MGA: variants seen among roughly 807,000 people sequenced by gnomAD.
The protein encoded by MGA is MAX gene-associated protein.
A neutral mutation model predicts 261.1 loss-of-function variants in MGA; 40 were observed. The ratio of observed to expected loss-of-function variants is 0.15; its 90% CI spans 0.12 to 0.20. The LOEUF (loss-of-function observed/expected upper bound fraction) is 0.20, where lower values mean the gene tolerates loss of function less well. Ranked by LOEUF, MGA falls within the 10% of genes least tolerant of loss-of-function variation. The pLI is 1.00. For synonymous variants in MGA, 1,302 were observed against 1,290.6 expected (o/e 1.01, Z -0.19); for missense variants, 3,397 against 3,630.5 (o/e 0.94, Z 1.65).
At chr15:41,688,941 C>T (rs767613691) in intron 2 of MGA, among the ~76,000 whole-genome samples, 1 of 151,982 alleles carries the variant, frequency 6.6e-6, no homozygotes, top group African/African-American at 2.4e-5. Flanking sequence ...ATGGGGGGAG[C>T]GGGGGATGTC....
intron 1 of MGA, among the ~76,000 whole-genome samples, chr15:41,654,755 C>T (rs2057130502): frequency 1.3e-5 from 2 of 152,138 alleles, no homozygotes; most frequent in African/African-American, 4.8e-5. Context: ...CTCAAGCATT[C>T]CTTCCACCTC....
At chr15:41,677,022 C>T (rs983675051) in intron 2 of MGA, among the ~76,000 whole-genome samples, 1 of 152,226 alleles carries the variant, frequency 6.6e-6, no homozygotes, top group Non-Finnish European at 1.5e-5. Flanking sequence ...TAAAATTCTT[C>T]AGTGGCTTTC....
intron 10 of MGA, 23 bp from the exon 11 acceptor site, chr15:41,729,141 A>AT (rs765044711): frequency 9.2e-5 from 148 of 1,608,082 alleles, no homozygotes; most frequent in Admixed American, 2.4e-4. Flanking sequence ...TGTATGGAAT[A>AT]TTTTGTTGTA....
chr15:41,734,713 CTT>C, intron 12 of MGA, 119 bp downstream of exon 12: 1 of 761,042 alleles, frequency 1.3e-6, no homozygotes, highest in Non-Finnish European at 2.0e-6. Flanking sequence ...CTGTTTCAAA[CTT>C]ATGCCAAAAA....
chr15:41,718,130 ATATT>A (rs994502166), intron 9 of MGA, among the ~76,000 whole-genome samples: 3 of 151,628 alleles, frequency 2.0e-5, no homozygotes, highest in Admixed American at 6.6e-5. Context: ...TTAGATATGA[ATATT>A]TATGTAATTT....
At chr15:41,715,128 G>C (rs1189349036) in intron 9 of MGA, among the ~76,000 whole-genome samples, 22 of 136,884 alleles carry the variant, frequency 1.6e-4, no homozygotes, top group Admixed American at 1.5e-4. Flanking sequence ...TTCTTTTTAT[G>C]GTTTCTGTCT....
At chr15:41,625,075 C>T (rs536415507) in intron 1 of MGA, among the ~76,000 whole-genome samples, 19 of 152,046 alleles carry the variant, frequency 1.2e-4, no homozygotes, top group Admixed American at 3.9e-4. Flanking sequence ...CTCAGGAGTT[C>T]GAGGCTGCAA....
intron 21 of MGA, 132 bp downstream of exon 21, chr15:41,761,982 G>T (rs572872604): frequency 2.0e-6 from 2 of 991,278 alleles, no homozygotes; most frequent in South Asian, 1.7e-5. Flanking sequence ...TCCTTTGACT[G>T]GGTGGTGGGT....
Position 41,762,218 on chromosome 15 carries a change from G to A in MGA, c.7600G>A (p.Gly2534Arg), listed in dbSNP as rs2063498521. ...GGCACAAAAAAGAAAAAAGAAGATGGGATCAGATGAGTTTGACATATCTCC... is the reference window on the plus strand; with the variant it reads ...GGCACAAAAAAGAAAAAAGAAGATGAGATCAGATGAGTTTGACATATCTCC... The change falls in exon 22 of 24, where the codon GGA becomes AGA. Residue 2534 changes from glycine to arginine, a missense_variant. Physicochemically the swap from Gly to Arg is moderately radical, Grantham distance 125. Transcript: ENST00000219905. 1 of 1,613,880 alleles carries A rather than the reference G, an allele frequency of 6.2e-7. No individual in the cohort carries two copies. Among genetic ancestry groups the A allele is most frequent in the Non-Finnish European group, 8.5e-7 (1 of 1,179,856 alleles).
At chr15:41,660,750 T>G (rs965392618) in intron 1 of MGA, among the ~76,000 whole-genome samples, 3 of 152,104 alleles carry the variant, frequency 2.0e-5, no homozygotes, top group South Asian at 4.1e-4. Context: ...CGGCCTCACT[T>G]CCGCGTCGCT....
chr15:41,670,143 G>A (rs895287355), intron 2 of MGA, among the ~76,000 whole-genome samples, 185 bp downstream of exon 2: 1 of 152,014 alleles, frequency 6.6e-6, no homozygotes, highest in Admixed American at 6.6e-5. Flanking sequence ...GAATCAGTTG[G>A]GTTCAGGATC....
chr15:41,725,367 T>C (rs1202045912), intron 9 of MGA, among the ~76,000 whole-genome samples: 2 of 152,150 alleles, frequency 1.3e-5, no homozygotes, highest in African/African-American at 4.8e-5. Context: ...CTAAACCTTT[T>C]TTTAAAGACC....
At chr15:41,632,444 A>G (rs2150557327) in intron 1 of MGA, among the ~76,000 whole-genome samples, 1 of 152,320 alleles carries the variant, frequency 6.6e-6, no homozygotes, top group East Asian at 1.9e-4. Flanking sequence ...CCCCAGCAGA[A>G]CCAAGAAGTC....
chr15:41,669,948 A>G lies in MGA; in HGVS notation c.1054A>G (p.Ile352Val), dbSNP rs1228097636. ...TGAAGTTCCTCAATTGAAGCAAGAG[A>G]TTTCTGAATGGTAAGTAGTAGTTTT... Residue 352 changes from isoleucine to valine, a missense_variant, in exon 2 of 24, where the codon ATT becomes GTT. Ile to Val is a conservative substitution (Grantham distance 29). Transcript: ENST00000219905. The G allele has an allele frequency of 6.2e-7, 1 of 1,610,748 alleles. No homozygotes were observed. The highest frequency in any genetic ancestry group is 1.7e-5 in the Admixed American group (1 of 59,668).
At position 41,700,297 on chromosome 15, in the gene MGA, C is replaced by T. The variant is rs190659697; in HGVS notation, c.2188+1138C>T. Reference sequence around the variant, plus strand: ...TCCTGACCTCATGATCTGCCCGCCTCGGCCTCCCAAAGTGCTGAGATTACA... The same window carrying T: ...TCCTGACCTCATGATCTGCCCGCCTTGGCCTCCCAAAGTGCTGAGATTACA... On this transcript the variant is annotated intron_variant, in intron 5 of 23. Coordinates refer to ENST00000219905, the MANE Select transcript of MGA (RefSeq NM_001164273.2). Among the ~76,000 whole-genome samples the T allele has an allele frequency of 6.8e-4, 103 of 152,154 alleles. No individual in the cohort carries two copies. In the East Asian group the frequency reaches 0.014, roughly 20 times the overall value.
At chr15:41,764,252 ATTTTTTTTT>A (rs71108132) in intron 22 of MGA, among the ~76,000 whole-genome samples, 1 of 109,726 alleles carries the variant, frequency 9.1e-6, no homozygotes, top group African/African-American at 3.1e-5. Context: ...TGGTGTGGGT[ATTTTTTTTT>A]TTTTTTTTTT....
intron 4 of MGA, 40 bp from the exon 5 acceptor site, chr15:41,699,024 G>A: frequency 8.9e-6 from 14 of 1,571,764 alleles, no homozygotes; most frequent in Non-Finnish European, 1.2e-5. Context: ...TGTCTGTAGT[G>A]TACAGTAGCT....
upstream of MGA, among the ~76,000 whole-genome samples, chr15:41,656,383 C>CTCTCTCTCTCTCTCTCTCCTCTCTCT (rs2057195028): frequency 1.4e-5 from 1 of 71,444 alleles, no homozygotes; most frequent in African/African-American, 3.8e-5. Context: ...TCTCTCACAC[C>CTCTCTCTCTCTCTCTCTCCTCTCTCT]CAGGCTGGAG....
intron 2 of MGA, among the ~76,000 whole-genome samples, chr15:41,689,711 A>G (rs1200197107): frequency 6.6e-6 from 1 of 151,706 alleles, no homozygotes; most frequent in Non-Finnish European, 1.5e-5. Context: ...GACTACAGGT[A>G]TGCACCACCA....
Sources: allele counts gnomAD v4.1 joint callset (sites outside exome capture counted in the v4.1 genomes callset), GRCh38; gene constraint gnomAD v4.1.1; transcripts MANE v1.5; gene names NCBI Gene and HGNC (gene_info 2026-07-23, HGNC 2026-07-21).